Variants in TREH observed in about 807,000 individuals in gnomAD.
TREH encodes trehalase.
Under a neutral mutation model 80.5 loss-of-function variants are expected in TREH, and 69 were observed. That is an observed-to-expected ratio of 0.86 (90% CI 0.71 to 1.05). The LOEUF is 1.05. Among genes scored for constraint, TREH ranks in the 50% least tolerant of loss-of-function variants. TREH has a pLI of 0.00. For missense variants in TREH, 716 were observed against 718.8 expected, an observed-to-expected ratio of 1.00 and a Z score of 0.04; for synonymous variants, 309 against 293.5, an observed-to-expected ratio of 1.05 and a Z score of -0.54.
intron 12 of TREH, 56 bp downstream of exon 12, chr11:118,659,314 G>T: frequency 7.1e-7 from 1 of 1,401,594 alleles, no homozygotes; most frequent in South Asian, 1.5e-5. Context: ...GCACCAGGGA[G>T]GCCCACCTCT....
rs190824675 is a variant in TREH at position 118,674,350 on chromosome 11, C to G, written c.89+5189G>C. Among the ~76,000 whole-genome samples the G allele has an allele frequency of 4.6e-5, 7 of 152,284 alleles. No individual in the cohort carries two copies. The highest frequency in any genetic ancestry group is 3.9e-4 in the Admixed American group (6 of 15,288). ...AACAATCTCTGTGGACTTGGGCAAT[C>G]TTATTGGTTCCCATTTGGAATGTCT... On this transcript the variant is annotated intron_variant, in intron 1 of 14. Transcript: ENST00000264029. The surrounding 1 kb of genome is among the most constrained non-coding windows in gnomAD (Gnocchi z 4.4).
chr11:118,659,531 G>A, intron 11 of TREH, 50 bp from the exon 12 acceptor site: 1 of 1,478,232 alleles, frequency 6.8e-7, no homozygotes, highest in Non-Finnish European at 9.1e-7. Context: ...TGGACTGGGA[G>A]CCAGGACAGG....
rs1949458648 is a variant in TREH, at chr11:118,674,485, A to G, written c.89+5054T>C. The stretch of plus-strand genomic sequence containing the variant: ...ATCCATCCCTGTAATACATTCAGGT[A>G]GAAGAGATGCAACCACTCCACATAA... On this transcript the variant is annotated intron_variant, in intron 1 of 14. Coordinates refer to ENST00000264029, the MANE Select transcript of TREH (RefSeq NM_007180.3). The surrounding 1 kb of genome is among the most constrained non-coding windows in gnomAD (Gnocchi z 4.4). Among the ~76,000 whole-genome samples, 1 of 152,234 alleles carries G rather than the reference A, an allele frequency of 6.6e-6. No individual in the cohort carries two copies. Among genetic ancestry groups the G allele is most frequent in the Non-Finnish European group, 1.5e-5 (1 of 68,040 alleles).
chr11:118,679,603 A>T lies in TREH; in HGVS notation c.25T>A (p.Cys9Ser). The change falls in exon 1 of 15, where the codon TGC becomes AGC. Residue 9 changes from cysteine (C) to serine (S), a missense_variant. Transcript: ENST00000264029. ...CCCAGCCCCAGCAGCAGTAGCAGGC[A>T]CAGCTCCCAGGTCCTCCCTGGCATG... MPGRTWELCLLLLLGLGLG... is the reference protein window; with the variant it reads MPGRTWELSLLLLLGLGLG... 6.5e-7 allele frequency: 1 copy of T among 1,550,266 alleles called. No individual in the cohort carries two copies. Among genetic ancestry groups the T allele is most frequent in the South Asian group, 1.2e-5 (1 of 81,030 alleles).
At chr11:118,676,781 G>A (rs1358387042) in intron 1 of TREH, among the ~76,000 whole-genome samples, 3 of 117,000 alleles carry the variant, frequency 2.6e-5, no homozygotes, top group African/African-American at 9.9e-5. Context: ...AAAAAAAAAA[G>A]AAAGAAAAAA....
At position 118,660,081 on chromosome 11, in the gene TREH, C is replaced by A. The variant is rs936251265; in HGVS notation, c.1103-117G>T. Reference sequence around the variant, plus strand: ...TGTTTCTCTGCAAAGGCTGAGACACCCTGATGACCAAGGGGATGTGCCGAT... The same window carrying A: ...TGTTTCTCTGCAAAGGCTGAGACACACTGATGACCAAGGGGATGTGCCGAT... On this transcript the variant is annotated intron_variant, in intron 10 of 14. Transcript: ENST00000264029. 1.5e-5 allele frequency: 15 copies of A among 970,452 alleles called. No homozygotes were observed. In the East Asian group the frequency reaches 2.9e-4, roughly 19 times the overall value. The allele number at this position is 970,452 out of a possible 1,614,324, so 60.1% of individuals were successfully genotyped here.
Position 118,658,208 on chromosome 11 carries a change from A to G in TREH, c.*81T>C, listed in dbSNP as rs1591824278. ...AGGACAGGCTGGGAGGTAGGAGGGC[A>G]TGAAGAGGCAGGGGAAGGCAGGAAC... On this transcript the variant is annotated 3_prime_UTR_variant, in exon 15 of 15. Coordinates refer to ENST00000264029, the MANE Select transcript of TREH (RefSeq NM_007180.3). 1 of 1,501,558 alleles carries G rather than the reference A, an allele frequency of 6.7e-7. No homozygotes were observed. The highest frequency in any genetic ancestry group is 2.5e-5 in the East Asian group (1 of 40,642). 93.0% of individuals were successfully genotyped at this position (1,501,558 alleles called of 1,614,324 possible).
chr11:118,666,636 T>G (rs1479071871), intron 1 of TREH, among the ~76,000 whole-genome samples: 1 of 152,240 alleles, frequency 6.6e-6, no homozygotes, highest in Non-Finnish European at 1.5e-5. Flanking sequence ...GGGAAGGAAT[T>G]TCCAGGAACT....
chr11:118,670,440 G>A (rs1555146150), intron 1 of TREH, among the ~76,000 whole-genome samples: 1 of 152,182 alleles, frequency 6.6e-6, no homozygotes, highest in Admixed American at 6.5e-5. Context: ...CTGCATTTGG[G>A]ATAGCATTTT....
chr11:118,666,656 G>A (rs1949380702), intron 1 of TREH, among the ~76,000 whole-genome samples: 1 of 152,104 alleles, frequency 6.6e-6, no homozygotes, highest in African/African-American at 2.4e-5. Flanking sequence ...TACTCTTTTT[G>A]GGGCCTTTGG....
In TREH at chr11:118,662,953, C is replaced by T. The variant is rs1056702667; in HGVS notation, c.351G>A (p.Gln117=). ...CACGCAGTTTGGCATCTGAAATCTT[C>T]TGCAGGAACTGGGGGCTGAAAGAAC... The part of the protein sequence containing the change: ...ADWKDSPQFL[Q]KISDAKLRAW... Residue 117 remains glutamine (Q), a synonymous_variant, in exon 4 of 15, where the codon CAG becomes CAA. Coordinates refer to ENST00000264029, the MANE Select transcript of TREH (RefSeq NM_007180.3). The T allele has an allele frequency of 3.1e-6, 5 of 1,612,266 alleles. No individual in the cohort carries two copies. In the Admixed American group the frequency reaches 8.4e-5, roughly 27 times the overall value.
At position 118,663,071 on chromosome 11, in the gene TREH, G is replaced by T; in HGVS notation, c.316C>A (p.Pro106Thr). The T allele has an allele frequency of 6.2e-7, 1 of 1,613,914 alleles. No individual in the cohort carries two copies. The change falls in exon 3 of 15, where the codon CCT becomes ACT. Residue 106 changes from proline (P) to threonine (T), a missense_variant. Transcript: ENST00000264029. ...AKGQELQPWT[P>T]ADWKDSPQFL... ...TCATACCTGTCTTTCCAGTCTGCAGGGGTCCAGGGCTGCAGCTCCTGCCCC... is the reference window on the plus strand; with the variant it reads ...TCATACCTGTCTTTCCAGTCTGCAGTGGTCCAGGGCTGCAGCTCCTGCCCC...
intron 1 of TREH, among the ~76,000 whole-genome samples, chr11:118,668,561 C>CA (rs35085066): frequency 0.67 from 31,901 of 47,658 alleles, 13,938 homozygotes; most frequent in South Asian, 0.79. Flanking sequence ...GACTCTGTCT[C>CA]AAAAAAAAAA....
chr11:118,678,878 A>G (rs1281922972), intron 1 of TREH, among the ~76,000 whole-genome samples: 2 of 152,218 alleles, frequency 1.3e-5, no homozygotes, highest in Non-Finnish European at 2.9e-5. Context: ...GTCAGGGCTC[A>G]AGCCCAAGTG....
chr11:118,661,555 G>A lies in TREH; in HGVS notation c.618-46C>T. 1 of 1,612,502 alleles carries A rather than the reference G, an allele frequency of 6.2e-7. No homozygotes were observed. Among genetic ancestry groups the A allele is most frequent in the Non-Finnish European group, 8.5e-7 (1 of 1,178,986 alleles). ...TGAGATGCCCTCTCCCCAGCAACTG[G>A]CACCAAGGCAATCCAGCTGCATGCC... is the stretch of plus-strand genomic sequence containing the variant. On this transcript the variant is annotated intron_variant, in intron 6 of 14. Coordinates refer to ENST00000264029, the MANE Select transcript of TREH (RefSeq NM_007180.3). The surrounding 1 kb of genome is among the most constrained non-coding windows in gnomAD (Gnocchi z 4.2).
At chr11:118,659,648 G>T in intron 11 of TREH, 99 bp downstream of exon 11, 3 of 1,440,784 alleles carry the variant, frequency 2.1e-6, no homozygotes, top group South Asian at 2.6e-5. Context: ...GGGACAAGGG[G>T]CATAGCCGGA....
chr11:118,660,964 C>A (rs377372786), intron 8 of TREH, 49 bp from the exon 9 acceptor site: 2 of 1,554,894 alleles, frequency 1.3e-6, no homozygotes, highest in East Asian at 2.4e-5. Flanking sequence ...CTACTAAGCC[C>A]CTCTGTGGTC....
chr11:118,672,333 G>T (rs1949437229), intron 1 of TREH, among the ~76,000 whole-genome samples: 1 of 152,094 alleles, frequency 6.6e-6, no homozygotes, highest in African/African-American at 2.4e-5. Context: ...GGGAGGTGGA[G>T]GTTGCAGTGA....
At position 118,661,627 on chromosome 11, in the gene TREH, C is replaced by A. The variant is rs782341390; in HGVS notation, c.617+10G>T. 7 of 1,613,782 alleles carry A rather than the reference C, an allele frequency of 4.3e-6. No individual in the cohort carries two copies. In the South Asian group the frequency reaches 5.5e-5, roughly 13 times the overall value. ...CCCCACCTAGGCTGGAGGTGCCTGGCCCCCCTCACGTTTTCACCAGGTCCA... is the reference window on the plus strand; with the variant it reads ...CCCCACCTAGGCTGGAGGTGCCTGGACCCCCTCACGTTTTCACCAGGTCCA... On this transcript the variant is annotated intron_variant, in intron 6 of 14. Transcript: ENST00000264029. The surrounding 1 kb of genome is among the most constrained non-coding windows in gnomAD (Gnocchi z 4.2).
Sources: gnomAD v4.1 joint callset for allele counts (sites outside exome capture counted in the v4.1 genomes callset) on GRCh38, gnomAD v4.1.1 for gene constraint, Gnocchi (gnomAD v3.1) non-coding constraint, MANE v1.5 for transcripts, NCBI Gene and HGNC (gene_info 2026-07-23, HGNC 2026-07-21) for gene names.